Variants in TCEA1 observed in about 807,000 individuals in gnomAD.
TCEA1 encodes transcription elongation factor A1.
A neutral mutation model predicts 43.8 loss-of-function variants in TCEA1; 21 were observed. The ratio of observed to expected loss-of-function variants is 0.48; its 90% CI spans 0.34 to 0.69. The LOEUF (loss-of-function observed/expected upper bound fraction) is 0.69. Among genes scored for constraint, TCEA1 ranks in the 30% least tolerant of loss-of-function variants. TCEA1 has a pLI of 0.01. For synonymous variants in TCEA1, 104 were observed against 117.5 expected, an observed-to-expected ratio of 0.88 and a Z score of 0.75; for missense variants, 250 against 365.1, an observed-to-expected ratio of 0.68 and a Z score of 2.57.
chr8:54,020,422 A>G (rs1804983649), intron 1 of TCEA1, among the ~76,000 whole-genome samples: 1 of 152,226 alleles, frequency 6.6e-6, no homozygotes, highest in African/African-American at 2.4e-5. Context: ...TTAAAAGGCC[A>G]AAATTTGCAA....
intron 4 of TCEA1, among the ~76,000 whole-genome samples, chr8:53,989,131 G>A (rs896937386): frequency 1.3e-5 from 2 of 151,972 alleles, no homozygotes; most frequent in African/African-American, 2.4e-5. Flanking sequence ...GAGTTCCCCA[G>A]TGAGACAAAT....
intron 2 of TCEA1, among the ~76,000 whole-genome samples, chr8:54,001,977 TA>T (rs57672283): frequency 0.38 from 53,228 of 138,480 alleles, 13,507 homozygotes; most frequent in East Asian, 0.74. Flanking sequence ...CTGTCTCTAC[TA>T]AAAAAAAAAA....
intron 3 of TCEA1, among the ~76,000 whole-genome samples, chr8:53,999,142 A>G (rs7818005): frequency 0.056 from 8,448 of 149,758 alleles, 768 homozygotes; most frequent in African/African-American, 0.19. Context: ...GCAGAATGGC[A>G]TGAACCCAGG....
chr8:53,993,627 T>A, intron 4 of TCEA1, 41 bp downstream of exon 4: 1 of 1,515,970 alleles, frequency 6.6e-7, no homozygotes, highest in Non-Finnish European at 9.0e-7. Context: ...GAAGTAAAAC[T>A]ATGACTTTCA....
intron 1 of TCEA1, among the ~76,000 whole-genome samples, chr8:54,018,513 G>A (rs533108496): frequency 1.3e-5 from 2 of 152,282 alleles, no homozygotes; most frequent in African/African-American, 4.8e-5. Context: ...TTTTAGTGAT[G>A]ACAAAGAACT....
intron 8 of TCEA1, among the ~76,000 whole-genome samples, chr8:53,976,722 A>AT (rs778665675): frequency 1.3e-5 from 2 of 152,200 alleles, no homozygotes; most frequent in Admixed American, 6.5e-5. Context: ...AATAGATGGC[A>AT]TTTTTTAGGG....
In TCEA1 at chr8:54,022,204, G is replaced by C. The variant is rs1272230065; in HGVS notation, c.-79C>G. 1 of 1,465,466 alleles carries C rather than the reference G, an allele frequency of 6.8e-7. No homozygotes were observed. The highest frequency in any genetic ancestry group is 1.7e-5 in the Admixed American group (1 of 57,234). The allele number at this position is 1,465,466 out of a possible 1,614,324, so 90.8% of individuals were successfully genotyped here. ...AGCTGGAGCGGAAGACACAGCAGGAGCGACCCCCGGCGCGCAGCAACCCCC... is the reference window on the plus strand; with the variant it reads ...AGCTGGAGCGGAAGACACAGCAGGACCGACCCCCGGCGCGCAGCAACCCCC... On this transcript the variant is annotated 5_prime_UTR_variant, in exon 1 of 10. Transcript: ENST00000521604.
chr8:54,004,176 C>T (rs761794003), intron 2 of TCEA1, among the ~76,000 whole-genome samples: 16 of 152,304 alleles, frequency 1.1e-4, no homozygotes, highest in Admixed American at 3.3e-4. Context: ...CCCTCGTTTA[C>T]TGCTACTAGG....
intron 4 of TCEA1, 149 bp downstream of exon 4, chr8:53,993,516 AAAT>A: frequency 3.7e-6 from 2 of 540,248 alleles, no homozygotes; most frequent in African/African-American, 3.9e-5. Context: ...AAAAAAAAAT[AAAT>A]TAGAATACAT....
At chr8:53,996,903 CTTTTTTTTTT>C (rs754537318) in intron 3 of TCEA1, among the ~76,000 whole-genome samples, 1 of 116,626 alleles carries the variant, frequency 8.6e-6, no homozygotes, top group Non-Finnish European at 1.6e-5. Context: ...AGAAGGTTGT[CTTTTTTTTTT>C]TTTTTAGACA....
At chr8:53,994,948 A>G (rs1804003751) in intron 3 of TCEA1, among the ~76,000 whole-genome samples, 1 of 152,166 alleles carries the variant, frequency 6.6e-6, no homozygotes. Flanking sequence ...CAATATTTCA[A>G]TAGCCCAAAG....
At chr8:54,006,146 C>T (rs1357325492) in intron 2 of TCEA1, among the ~76,000 whole-genome samples, 3 of 152,198 alleles carry the variant, frequency 2.0e-5, no homozygotes, top group African/African-American at 4.8e-5. Flanking sequence ...TAAACTTCTT[C>T]GTTCTTCTTC....
chr8:53,969,329 C>T (rs1002116475), intron 9 of TCEA1, among the ~76,000 whole-genome samples: 3 of 152,046 alleles, frequency 2.0e-5, no homozygotes, highest in African/African-American at 7.2e-5. Context: ...TAGGTACTGG[C>T]CCCAACCCCT....
chr8:54,004,283 G>A (rs1281834443), intron 2 of TCEA1, among the ~76,000 whole-genome samples: 1 of 151,642 alleles, frequency 6.6e-6, no homozygotes, highest in African/African-American at 2.4e-5. Context: ...CCATTCCCAG[G>A]TATCTACACA....
chr8:53,987,954 C>T (rs1414185966), intron 5 of TCEA1, among the ~76,000 whole-genome samples, 160 bp downstream of exon 5: 1 of 152,132 alleles, frequency 6.6e-6, no homozygotes, highest in African/African-American at 2.4e-5. Context: ...CTCCTCTCCC[C>T]CTTAACAGAC....
chr8:53,988,877 T>C (rs1201669014), intron 4 of TCEA1, among the ~76,000 whole-genome samples: 1 of 152,072 alleles, frequency 6.6e-6, no homozygotes, highest in Non-Finnish European at 1.5e-5. Context: ...AAATCCAGCC[T>C]GGGCAAAATG....
At chr8:54,010,286 T>C in intron 2 of TCEA1, 144 bp downstream of exon 2, 1 of 643,032 alleles carries the variant, frequency 1.6e-6, no homozygotes, top group Non-Finnish European at 2.7e-6. Flanking sequence ...TATTGATTTA[T>C]ATTGCCATCT....
At chr8:53,973,384 AAAAG>A in intron 8 of TCEA1, 1 of 508,158 alleles carries the variant, frequency 2.0e-6, no homozygotes, top group Non-Finnish European at 3.7e-6. Context: ...AAAAAAGACA[AAAAG>A]AAAAAGAAGA....
At chr8:53,975,928 A>G (rs886445578) in intron 8 of TCEA1, among the ~76,000 whole-genome samples, 1 of 152,214 alleles carries the variant, frequency 6.6e-6, no homozygotes, top group African/African-American at 2.4e-5. Flanking sequence ...AAACTTAAAA[A>G]GAGAACTCAG....
Sources: gnomAD v4.1 joint callset for allele counts (sites outside exome capture counted in the v4.1 genomes callset) on GRCh38, gnomAD v4.1.1 for gene constraint, MANE v1.5 for transcripts, NCBI Gene and HGNC (gene_info 2026-07-23, HGNC 2026-07-21) for gene names.